TBPL2: variants seen among roughly 807,000 people sequenced by gnomAD.
The protein encoded by TBPL2 is TATA-box binding protein like 2.
TBPL2 carries 40 observed loss-of-function variants against 38.2 expected under a neutral mutation model. The ratio of observed to expected loss-of-function variants is 1.05; its 90% CI spans 0.81 to 1.36. The LOEUF (loss-of-function observed/expected upper bound fraction) is 1.36, where lower values mean the gene tolerates loss of function less well. TBPL2 is among the 40% of genes most tolerant of loss of function. The pLI, the probability that TBPL2 is intolerant of heterozygous loss-of-function variation, is 0.00. For missense variants in TBPL2, 461 were observed against 456.7 expected (o/e 1.01, Z -0.09); for synonymous variants, 169 against 171.7 (o/e 0.98, Z 0.12).
intron 6 of TBPL2, among the ~76,000 whole-genome samples, chr14:55,416,999 G>C (rs1885678413): frequency 6.6e-6 from 1 of 152,208 alleles, no homozygotes; most frequent in South Asian, 2.1e-4. Context: ...TCATAACTAA[G>C]AGCATTGCAT....
At chr14:55,431,246 T>A (rs1170273146) in intron 4 of TBPL2, among the ~76,000 whole-genome samples, 1 of 152,250 alleles carries the variant, frequency 6.6e-6, no homozygotes, top group East Asian at 1.9e-4. Context: ...TATATTTGGA[T>A]AAAAAGTATC....
chr14:55,434,612 T>C (rs1885985195), intron 3 of TBPL2, among the ~76,000 whole-genome samples: 1 of 151,588 alleles, frequency 6.6e-6, no homozygotes. Context: ...AAAAGTTGCC[T>C]AAAATGCTGA....
chr14:55,414,877 A>T (rs955378607), intron 6 of TBPL2, among the ~76,000 whole-genome samples: 3 of 152,212 alleles, frequency 2.0e-5, no homozygotes, highest in African/African-American at 7.2e-5. Context: ...AATGAGCTTT[A>T]AATTTGTTTT....
At chr14:55,430,547 G>A (rs569557961) in intron 4 of TBPL2, among the ~76,000 whole-genome samples, 3 of 152,080 alleles carry the variant, frequency 2.0e-5, no homozygotes, top group East Asian at 1.9e-4. Context: ...GCCTGCAGGG[G>A]CATGCACCAC....
chr14:55,419,967 A>G (rs1176427907), intron 6 of TBPL2, among the ~76,000 whole-genome samples: 1 of 152,218 alleles, frequency 6.6e-6, no homozygotes, highest in Non-Finnish European at 1.5e-5. Flanking sequence ...ACTAGGCCAC[A>G]CATGAGCTTC....
chr14:55,416,991 A>G (rs558451279), intron 6 of TBPL2, among the ~76,000 whole-genome samples: 38 of 152,384 alleles, frequency 2.5e-4, no homozygotes, highest in African/African-American at 8.4e-4. Flanking sequence ...ACCGAAAATC[A>G]TAACTAAGAG....
intron 6 of TBPL2, among the ~76,000 whole-genome samples, chr14:55,416,637 T>G (rs1438316309): frequency 6.6e-6 from 1 of 152,154 alleles, no homozygotes; most frequent in Non-Finnish European, 1.5e-5. Context: ...GCTCTAAAAT[T>G]TTGGTTTCTA....
At chr14:55,423,170 G>C (rs1885771509) in intron 6 of TBPL2, among the ~76,000 whole-genome samples, 2 of 152,190 alleles carry the variant, frequency 1.3e-5, no homozygotes, top group African/African-American at 4.8e-5. Flanking sequence ...TTCTGTCTCT[G>C]ATTACCGGTG....
intron 4 of TBPL2, 78 bp from the exon 5 acceptor site, chr14:55,429,052 C>T (rs972648849): frequency 2.0e-6 from 3 of 1,515,442 alleles, no homozygotes; most frequent in African/African-American, 2.7e-5. Context: ...TGGATTGTTA[C>T]CATTTGTACC....
At chr14:55,439,823 C>G (rs1407119760) in intron 1 of TBPL2, among the ~76,000 whole-genome samples, 1 of 149,728 alleles carries the variant, frequency 6.7e-6, no homozygotes, top group African/African-American at 2.5e-5. Context: ...CCCAGCTACT[C>G]GGGAGGCTGA....
intron 5 of TBPL2, 104 bp from the exon 6 acceptor site, chr14:55,424,357 A>T: frequency 1.5e-6 from 1 of 675,252 alleles, no homozygotes; most frequent in Non-Finnish European, 2.5e-6. Flanking sequence ...GCAGTTGTAA[A>T]TAAGTTAGCT....
At chr14:55,428,892 T>C (rs1253214839) in exon 5 of TBPL2, 4 of 1,614,076 alleles carry the variant, frequency 2.5e-6, no homozygotes, top group African/African-American at 1.3e-5. Flanking sequence ...TTCTGAATTT[T>C]AAAATCGAGG....
chr14:55,425,117 CA>C (rs1225842536), intron 5 of TBPL2, among the ~76,000 whole-genome samples: 1 of 152,208 alleles, frequency 6.6e-6, no homozygotes, highest in Admixed American at 6.5e-5. Flanking sequence ...CCAAAAACAA[CA>C]GCAGATGTGG....
intron 1 of TBPL2, 40 bp downstream of exon 1, chr14:55,440,356 G>A: frequency 6.2e-7 from 1 of 1,611,824 alleles, no homozygotes; most frequent in Non-Finnish European, 8.5e-7. Flanking sequence ...GACCGGGCGG[G>A]ACTTGGGTCC....
At chr14:55,425,581 A>C (rs1471483756) in intron 5 of TBPL2, among the ~76,000 whole-genome samples, 2 of 152,066 alleles carry the variant, frequency 1.3e-5, no homozygotes, top group Non-Finnish European at 2.9e-5. Flanking sequence ...AGAGAAAGAG[A>C]GTGGTTTTGG....
At chr14:55,414,557 A>G (rs1885641515) in intron 6 of TBPL2, 102 bp from the exon 7 acceptor site, 1 of 846,678 alleles carries the variant, frequency 1.2e-6, no homozygotes, top group Admixed American at 2.9e-5. Flanking sequence ...TTTTAATATG[A>G]CATCTCTTTA....
chr14:55,424,892 G>A (rs1566591787), intron 5 of TBPL2, among the ~76,000 whole-genome samples: 1 of 152,214 alleles, frequency 6.6e-6, no homozygotes, highest in Admixed American at 6.5e-5. Flanking sequence ...CCAGCCTGGA[G>A]AGGAGGGCAG....
intron 1 of TBPL2, among the ~76,000 whole-genome samples, chr14:55,437,564 A>G (rs1463413216): frequency 6.6e-6 from 1 of 152,232 alleles, no homozygotes; most frequent in Non-Finnish European, 1.5e-5. Flanking sequence ...TTCATAAACT[A>G]TCTTAGCTAC....
exon 6 of TBPL2, chr14:55,424,218 C>A: frequency 6.2e-7 from 1 of 1,613,260 alleles, no homozygotes; most frequent in Non-Finnish European, 8.5e-7. Context: ...TTTTACCATT[C>A]TATAAATAAG....
Sources: gnomAD v4.1 joint callset for allele counts (sites outside exome capture counted in the v4.1 genomes callset) on GRCh38, gnomAD v4.1.1 for gene constraint, MANE v1.5 for transcripts, NCBI Gene and HGNC (gene_info 2026-07-23, HGNC 2026-07-21) for gene names.